Variants in MME observed in about 807,000 individuals in gnomAD.
The protein encoded by MME is membrane metalloendopeptidase, also known as neprilysin.
In MME, 98 loss-of-function variants were observed where a neutral mutation model predicts 113.2. The ratio of observed to expected loss-of-function variants is 0.87; its 90% CI spans 0.74 to 1.02. The LOEUF (loss-of-function observed/expected upper bound fraction) is 1.02, where lower values mean the gene tolerates loss of function less well. Among genes scored for constraint, MME ranks in the 50% least tolerant of loss-of-function variants. The pLI is 0.00. For missense variants in MME, 836 were observed against 896.0 expected (o/e 0.93, Z 0.86); for synonymous variants, 292 against 300.6 (o/e 0.97, Z 0.30).
At chr3:155,101,163 T>C (rs138613470) in intron 3 of MME, among the ~76,000 whole-genome samples, 1 of 152,280 alleles carries the variant, frequency 6.6e-6, no homozygotes, top group East Asian at 1.9e-4. Context: ...AAAAGCTCCC[T>C]GAGGCCTCCC....
At chr3:155,169,771 T>A (rs1382722873) in intron 20 of MME, among the ~76,000 whole-genome samples, 1 of 152,148 alleles carries the variant, frequency 6.6e-6, no homozygotes, top group Non-Finnish European at 1.5e-5. Context: ...GGATGTAGAA[T>A]CATTTGTTCA....
In MME at chr3:155,141,791, C is replaced by T. The variant is rs149749317; in HGVS notation, c.958-200C>T. Among the ~76,000 whole-genome samples the T allele has an allele frequency of 2.2e-3, 341 of 152,168 alleles. 3 individuals carry two copies. The highest frequency in any genetic ancestry group is 7.8e-3 in the African/African-American group (326 of 41,540). On this transcript the variant is annotated intron_variant, in intron 10 of 22. Transcript: ENST00000360490. ...TCCTTAAGCTTAAAGGCTTTGTTTT[C>T]GCTCTTAAATGGTTGGCTTAATTAT...
At chr3:155,067,454 G>T (rs2108141674) in intron 1 of MME, among the ~76,000 whole-genome samples, 1 of 151,682 alleles carries the variant, frequency 6.6e-6, no homozygotes, top group Non-Finnish European at 1.5e-5. Context: ...GGGATTACAG[G>T]TGCGTGCCAC....
intron 8 of MME, among the ~76,000 whole-genome samples, chr3:155,134,902 G>T (rs1306517348): frequency 6.6e-6 from 1 of 151,934 alleles, no homozygotes; most frequent in Non-Finnish European, 1.5e-5. Context: ...GTTTAATGTT[G>T]TCTCGTACAT....
At chr3:155,117,962 A>G (rs1371930512) in intron 7 of MME, among the ~76,000 whole-genome samples, 3 of 152,132 alleles carry the variant, frequency 2.0e-5, no homozygotes, top group African/African-American at 4.8e-5. Context: ...CTCCACACTC[A>G]TGTTGCCATG....
At chr3:155,148,688 G>C (rs376369852) in intron 16 of MME, 35 bp downstream of exon 16, 1 of 1,459,724 alleles carries the variant, frequency 6.9e-7, no homozygotes, top group South Asian at 1.1e-5. Flanking sequence ...TGATCATCTA[G>C]AAGCAGGTCT....
chr3:155,068,773 C>A (rs2108142611), intron 1 of MME, among the ~76,000 whole-genome samples: 1 of 152,168 alleles, frequency 6.6e-6, no homozygotes, highest in Non-Finnish European at 1.5e-5. Flanking sequence ...ATAATGTGAA[C>A]AATGAATTGA....
chr3:155,066,982 T>C (rs1241226912), intron 1 of MME, among the ~76,000 whole-genome samples: 2 of 152,152 alleles, frequency 1.3e-5, no homozygotes, highest in Non-Finnish European at 2.9e-5. Flanking sequence ...CCTCCTAACA[T>C]TAGAACGCAT....
At chr3:155,104,429 C>G (rs750438244) in intron 3 of MME, among the ~76,000 whole-genome samples, 9 of 152,182 alleles carry the variant, frequency 5.9e-5, no homozygotes, top group Admixed American at 1.3e-4. Flanking sequence ...TTAGTGCTCT[C>G]TAGAAAAGAG....
chr3:155,025,506 C>A (rs970181606), intron 1 of MME, among the ~76,000 whole-genome samples: 1 of 150,678 alleles, frequency 6.6e-6, no homozygotes, highest in Non-Finnish European at 1.5e-5. Context: ...CACCTGTAAT[C>A]CCAGCTACTC....
chr3:155,148,717 G>C (rs1721710600), intron 16 of MME, 64 bp downstream of exon 16: 2 of 1,231,212 alleles, frequency 1.6e-6, no homozygotes, highest in East Asian at 2.3e-5. Flanking sequence ...TTTCTTTGTT[G>C]GATTAAGTGA....
intron 3 of MME, among the ~76,000 whole-genome samples, chr3:155,089,066 C>T (rs1055102544): frequency 1.2e-4 from 19 of 152,052 alleles, no homozygotes; most frequent in Non-Finnish European, 2.8e-4. Context: ...TTATGATGTA[C>T]ATAAAATGAT....
At chr3:155,122,160 C>T (rs1418748255) in intron 8 of MME, among the ~76,000 whole-genome samples, 22 of 146,984 alleles carry the variant, frequency 1.5e-4, no homozygotes, top group Admixed American at 4.7e-4. Context: ...GTGTATGTGT[C>T]GAGGAATTTA....
At chr3:155,081,840 C>G (rs1460437241) in intron 1 of MME, 1 of 152,206 alleles carries the variant, frequency 6.6e-6, no homozygotes, top group Non-Finnish European at 1.5e-5. Flanking sequence ...TGCATCATTT[C>G]TGCTTTTGCT....
chr3:155,178,472 G>C (rs948927072), intron 22 of MME, among the ~76,000 whole-genome samples: 1 of 152,132 alleles, frequency 6.6e-6, no homozygotes, highest in African/African-American at 2.4e-5. Flanking sequence ...ACTAAGTCGT[G>C]TTTTTCTTCC....
At chr3:155,133,804 ATATCAATTTTCC>A (rs1383236427) in intron 8 of MME, among the ~76,000 whole-genome samples, 1 of 147,056 alleles carries the variant, frequency 6.8e-6, no homozygotes. Flanking sequence ...ATATTTTCCA[ATATCAATTTTCC>A]AATATCAATC....
chr3:155,092,147 G>C (rs1341071099), intron 3 of MME, among the ~76,000 whole-genome samples: 2 of 152,194 alleles, frequency 1.3e-5, no homozygotes, highest in Non-Finnish European at 2.9e-5. Context: ...TGGTGGTAGA[G>C]TGTGGATCTT....
At chr3:155,154,211 A>G (rs914887019) in intron 16 of MME, among the ~76,000 whole-genome samples, 6 of 152,008 alleles carry the variant, frequency 3.9e-5, no homozygotes, top group Non-Finnish European at 4.4e-5. Flanking sequence ...ATCTGGTGCA[A>G]TTGGATGGTG....
intron 8 of MME, among the ~76,000 whole-genome samples, chr3:155,125,600 A>G (rs1361742621): frequency 1.3e-5 from 2 of 151,456 alleles, no homozygotes; most frequent in Admixed American, 6.6e-5. Flanking sequence ...ACCTGGGATT[A>G]CAGGTGCCCG....
Sources: allele counts gnomAD v4.1 joint callset (sites outside exome capture counted in the v4.1 genomes callset), GRCh38; gene constraint gnomAD v4.1.1; transcripts MANE v1.5; gene names NCBI Gene and HGNC (gene_info 2026-07-23, HGNC 2026-07-21).